Variants in GALNT1 observed in about 807,000 individuals in gnomAD.
GALNT1 encodes polypeptide N-acetylgalactosaminyltransferase 1, also known as GalNAc transferase 1.
Under a neutral mutation model 65.7 loss-of-function variants are expected in GALNT1, and 17 were observed. The ratio of observed to expected loss-of-function variants is 0.26; its 90% CI spans 0.18 to 0.39. The LOEUF (loss-of-function observed/expected upper bound fraction) is 0.39, where lower values mean the gene tolerates loss of function less well. Among genes scored for constraint, GALNT1 ranks in the 10% least tolerant of loss-of-function variants. GALNT1 has a pLI of 1.00. For missense variants in GALNT1, 460 were observed against 672.8 expected (o/e 0.68, Z 3.50); for synonymous variants, 210 against 219.7 (o/e 0.96, Z 0.39).
intron 3 of GALNT1, among the ~76,000 whole-genome samples, chr18:35,667,084 A>T (rs1441101265): frequency 6.6e-6 from 1 of 152,204 alleles, no homozygotes; most frequent in Non-Finnish European, 1.5e-5. Flanking sequence ...ACGAATTCTT[A>T]TACCCTCTGA....
chr18:35,629,746 TA>T (rs1286941609), intron 1 of GALNT1, among the ~76,000 whole-genome samples: 28 of 151,582 alleles, frequency 1.8e-4, no homozygotes, highest in Non-Finnish European at 3.0e-5. Context: ...TGGGCTAAAT[TA>T]AAAGACACAG....
At chr18:35,625,263 A>G (rs1199747668) in intron 1 of GALNT1, among the ~76,000 whole-genome samples, 1 of 152,182 alleles carries the variant, frequency 6.6e-6, no homozygotes, top group Non-Finnish European at 1.5e-5. Flanking sequence ...CCACTGCTGA[A>G]ATTCCCAGGG....
At chr18:35,699,527 T>C (rs1457651457) in intron 9 of GALNT1, among the ~76,000 whole-genome samples, 1 of 152,186 alleles carries the variant, frequency 6.6e-6, no homozygotes, top group African/African-American at 2.4e-5. Context: ...ATAAGACCAC[T>C]GAGCAGTTAG....
Position 35,687,284 on chromosome 18 carries a change from G to A in GALNT1, c.860+98G>A, listed in dbSNP as rs536744088. 6.7e-6 allele frequency: 8 copies of A among 1,195,290 alleles called. No homozygotes were observed. In the African/African-American group the frequency reaches 9.1e-5, roughly 14 times the overall value. 74.0% of individuals were successfully genotyped at this position (1,195,290 alleles called of 1,614,324 possible). A position where few individuals can be genotyped will look rare whatever the true frequency, so the allele number is the denominator to read the frequency against. On this transcript the variant is annotated intron_variant, in intron 6 of 11. Transcript: ENST00000269195. ...AATGGATAAGTGTATTTTGAGAAAC[G>A]TGAAGCATTCGTATACCTTATGGTA...
intron 1 of GALNT1, among the ~76,000 whole-genome samples, chr18:35,634,832 T>G (rs1373641873): frequency 1.3e-5 from 2 of 152,230 alleles, no homozygotes. Context: ...CATTAAAGTT[T>G]CCACATGCCA....
chr18:35,582,778 C>T (rs1448717614), intron 1 of GALNT1, among the ~76,000 whole-genome samples: 1 of 152,230 alleles, frequency 6.6e-6, no homozygotes, highest in Non-Finnish European at 1.5e-5. Context: ...TGCAACTTTT[C>T]AGGTCACAAT....
chr18:35,601,179 T>G (rs1359416394), intron 1 of GALNT1, among the ~76,000 whole-genome samples: 1 of 152,002 alleles, frequency 6.6e-6, no homozygotes, highest in Non-Finnish European at 1.5e-5. Context: ...TTGATGGGTC[T>G]TATGTGTTCA....
intron 5 of GALNT1, among the ~76,000 whole-genome samples, chr18:35,685,447 A>T (rs2047853552): frequency 6.6e-6 from 1 of 151,850 alleles, no homozygotes; most frequent in African/African-American, 2.4e-5. Flanking sequence ...GCAAACTATT[A>T]TACAGTGGAA....
intron 3 of GALNT1, among the ~76,000 whole-genome samples, chr18:35,674,222 T>C (rs989617815): frequency 1.3e-5 from 2 of 152,212 alleles, no homozygotes; most frequent in African/African-American, 4.8e-5. Flanking sequence ...TACTGTAGAC[T>C]TTATCAACAC....
At chr18:35,652,668 C>A (rs2047326345) in intron 1 of GALNT1, among the ~76,000 whole-genome samples, 1 of 152,134 alleles carries the variant, frequency 6.6e-6, no homozygotes, top group African/African-American at 2.4e-5. Context: ...GTTACCTTGG[C>A]CTTAAATCTG....
chr18:35,653,296 C>G (rs1285678715), intron 1 of GALNT1, among the ~76,000 whole-genome samples: 1 of 152,182 alleles, frequency 6.6e-6, no homozygotes, highest in African/African-American at 2.4e-5. Context: ...ATAAGTATCA[C>G]TTAGTGTTTT....
intron 4 of GALNT1, among the ~76,000 whole-genome samples, chr18:35,680,765 A>G (rs902270181): frequency 1.6e-4 from 24 of 152,176 alleles, no homozygotes; most frequent in African/African-American, 5.5e-4. Flanking sequence ...GTAGAGGAGT[A>G]TCCAAACCCT....
At chr18:35,680,394 C>T (rs972093391) in intron 4 of GALNT1, among the ~76,000 whole-genome samples, 3 of 152,292 alleles carry the variant, frequency 2.0e-5, no homozygotes, top group South Asian at 2.1e-4. Flanking sequence ...GCAGCTCTAA[C>T]CAGGGTTTGA....
chr18:35,674,421 T>A (rs1412128078), intron 3 of GALNT1, among the ~76,000 whole-genome samples: 1 of 152,094 alleles, frequency 6.6e-6, no homozygotes, highest in African/African-American at 2.4e-5. Context: ...ATGCCCTGGG[T>A]ATCCACCACA....
rs79056662 is a variant in GALNT1, at chr18:35,610,135, A to G, written c.-104+28273A>G. On this transcript the variant is annotated intron_variant, in intron 1 of 11. Transcript: ENST00000269195. ...ACCTGTGCAGACATGGAAGCCAGAGAAAGCATGACGTAATTGGGCAGCTGG... is the reference window on the plus strand; with the variant it reads ...ACCTGTGCAGACATGGAAGCCAGAGGAAGCATGACGTAATTGGGCAGCTGG... 1.3e-3 allele frequency among the ~76,000 whole-genome samples: 191 copies of G among 152,326 alleles called. 3 individuals are homozygous for G. In the East Asian group the frequency reaches 0.028, roughly 22 times the overall value.
At position 35,663,620 on chromosome 18, in the gene GALNT1, A is replaced by G. The variant is rs1568027037; in HGVS notation, c.140-8A>G. On this transcript the variant is annotated splice_region_variant and splice_polypyrimidine_tract_variant and intron_variant, in intron 2 of 11. Coordinates refer to ENST00000269195, the MANE Select transcript of GALNT1 (RefSeq NM_020474.4). ...ATTAATGTTAGTTAAGTTTCTTCCT[A>G]TTCTTAGTTCTAGAGCCAGTACAAA... is the stretch of plus-strand genomic sequence containing the variant. 1 of 1,590,874 alleles carries G rather than the reference A, an allele frequency of 6.3e-7. No homozygotes were observed. The highest frequency in any genetic ancestry group is 1.9e-5 in the Admixed American group (1 of 51,390).
At chr18:35,663,925 C>G (rs1043138667) in intron 3 of GALNT1, 123 bp downstream of exon 3, 10 of 804,306 alleles carry the variant, frequency 1.2e-5, no homozygotes, top group Non-Finnish European at 2.0e-5. Context: ...TACTACTTAC[C>G]CCACTTAGAA....
chr18:35,696,422 T>A (rs189671623), intron 9 of GALNT1, among the ~76,000 whole-genome samples: 7 of 152,260 alleles, frequency 4.6e-5, no homozygotes, highest in Non-Finnish European at 8.8e-5. Context: ...TTAGGGCATC[T>A]GGCTTCAGCT....
At chr18:35,704,604 G>A (rs1411527369) in intron 11 of GALNT1, among the ~76,000 whole-genome samples, 3 of 147,952 alleles carry the variant, frequency 2.0e-5, no homozygotes, top group African/African-American at 7.5e-5. Flanking sequence ...CATCATATCT[G>A]GCCTGATATT....
Sources: allele counts gnomAD v4.1 joint callset (sites outside exome capture counted in the v4.1 genomes callset), GRCh38; gene constraint gnomAD v4.1.1; transcripts MANE v1.5; gene names NCBI Gene and HGNC (gene_info 2026-07-23, HGNC 2026-07-21).